The following HS6ST3 variants were observed in gnomAD, a reference collection of about 807,000 sequenced individuals.
HS6ST3 encodes heparan-sulfate 6-O-sulfotransferase 3.
In HS6ST3, 12 loss-of-function variants were observed where a neutral mutation model predicts 36.7. The observed-to-expected ratio is 0.33, with a 90% CI of 0.21 to 0.53. The LOEUF (loss-of-function observed/expected upper bound fraction) is 0.53, where lower values mean the gene tolerates loss of function less well. Among genes scored for constraint, HS6ST3 ranks in the 20% least tolerant of loss-of-function variants. The pLI is 0.95. For missense variants in HS6ST3, 584 were observed against 640.9 expected (o/e 0.91, Z 0.96); for synonymous variants, 240 against 257.5 (o/e 0.93, Z 0.65).
chr13:96,531,828 A>G (rs1231891131), intron 1 of HS6ST3, among the ~76,000 whole-genome samples: 1 of 152,264 alleles, frequency 6.6e-6, no homozygotes, highest in Admixed American at 6.5e-5. Context: ...AACGTGTATA[A>G]TAAGTAATTC....
intron 1 of HS6ST3, among the ~76,000 whole-genome samples, chr13:96,306,938 G>C (rs1229850795): frequency 1.3e-5 from 2 of 152,152 alleles, no homozygotes; most frequent in African/African-American, 4.8e-5. Context: ...TCCTGGATTG[G>C]CTGCACAACA....
intron 1 of HS6ST3, 79 bp from the exon 2 acceptor site, chr13:96,832,411 C>T: frequency 2.8e-6 from 3 of 1,056,690 alleles, no homozygotes; most frequent in South Asian, 3.4e-5. Flanking sequence ...TGACTCAATG[C>T]CGATGTAAAA....
intron 1 of HS6ST3, among the ~76,000 whole-genome samples, chr13:96,542,117 TAAC>T (rs1237439163): frequency 1.3e-5 from 2 of 152,196 alleles, no homozygotes; most frequent in African/African-American, 4.8e-5. Context: ...GATAAATACT[TAAC>T]AAATTATGTT....
At chr13:96,421,926 A>C (rs1478645867) in intron 1 of HS6ST3, among the ~76,000 whole-genome samples, 1 of 152,138 alleles carries the variant, frequency 6.6e-6, no homozygotes, top group Admixed American at 6.5e-5. Flanking sequence ...GCATGTTTTC[A>C]TGCCTTGGCT....
At chr13:96,634,313 C>T (rs1222856689) in intron 1 of HS6ST3, among the ~76,000 whole-genome samples, 1 of 152,168 alleles carries the variant, frequency 6.6e-6, no homozygotes, top group Non-Finnish European at 1.5e-5. Context: ...TGCTGATATG[C>T]ACAGCAAGGA....
intron 1 of HS6ST3, among the ~76,000 whole-genome samples, chr13:96,775,521 A>G (rs562708262): frequency 6.6e-6 from 1 of 152,132 alleles, no homozygotes; most frequent in East Asian, 1.9e-4. Context: ...AAAAGAAAAA[A>G]AAAAAAAGCA....
At chr13:96,459,100 T>TA (rs747439262) in intron 1 of HS6ST3, among the ~76,000 whole-genome samples, 671 of 63,848 alleles carry the variant, frequency 0.011, 53 homozygotes, top group African/African-American at 0.044. Context: ...CAAGACTGTC[T>TA]AAAAAAAAAA....
chr13:96,545,598 A>G (rs1162994335), intron 1 of HS6ST3, among the ~76,000 whole-genome samples: 2 of 152,212 alleles, frequency 1.3e-5, no homozygotes, highest in Non-Finnish European at 2.9e-5. Flanking sequence ...ACTTCAGAAG[A>G]GAGAACCAAA....
At chr13:96,524,826 C>T (rs1029979098) in intron 1 of HS6ST3, among the ~76,000 whole-genome samples, 2 of 152,228 alleles carry the variant, frequency 1.3e-5, no homozygotes, top group African/African-American at 4.8e-5. Flanking sequence ...TGAGGCAACG[C>T]TCTGCCCTGC....
At chr13:96,492,764 G>T (rs2055953178) in intron 1 of HS6ST3, among the ~76,000 whole-genome samples, 2 of 152,076 alleles carry the variant, frequency 1.3e-5, no homozygotes, top group Non-Finnish European at 2.9e-5. Flanking sequence ...TTCCTTTTGG[G>T]ATCTTTCCTC....
In HS6ST3 at chr13:96,576,135, G is replaced by A. The variant is rs2056320036; in HGVS notation, c.708-256355G>A. ...AGAAAGAACACGTGTACTGTTCTAG[G>A]CATCGCCGTCAAGTTTCTGGAAGGG... On this transcript the variant is annotated intron_variant, in intron 1 of 1. Coordinates refer to ENST00000376705, the MANE Select transcript of HS6ST3 (RefSeq NM_153456.4). Among the ~76,000 whole-genome samples, 6 of 152,156 alleles carry A rather than the reference G, an allele frequency of 3.9e-5. No individual in the cohort carries two copies. In the South Asian group the frequency reaches 1.2e-3, roughly 32 times the overall value.
intron 1 of HS6ST3, among the ~76,000 whole-genome samples, chr13:96,094,948 G>A (rs529408054): frequency 6.6e-6 from 1 of 151,582 alleles, no homozygotes; most frequent in Non-Finnish European, 1.5e-5. Context: ...ATTACTGTAC[G>A]CCCCTTAATC....
intron 1 of HS6ST3, among the ~76,000 whole-genome samples, chr13:96,354,316 G>C (rs2055199054): frequency 6.6e-6 from 1 of 152,114 alleles, no homozygotes; most frequent in Non-Finnish European, 1.5e-5. Context: ...GTCAACAAAG[G>C]ATTCACTTAC....
intron 1 of HS6ST3, among the ~76,000 whole-genome samples, chr13:96,766,729 T>A (rs551832312): frequency 1.3e-5 from 2 of 152,290 alleles, no homozygotes; most frequent in South Asian, 4.1e-4. Flanking sequence ...AATAATACGC[T>A]CTTTGTCACC....
chr13:96,211,114 T>C (rs2054396955), intron 1 of HS6ST3, among the ~76,000 whole-genome samples: 1 of 152,092 alleles, frequency 6.6e-6, no homozygotes, highest in East Asian at 1.9e-4. Context: ...TATTTTTTGG[T>C]AGAGACGGGG....
intron 1 of HS6ST3, among the ~76,000 whole-genome samples, chr13:96,461,443 A>G (rs1247551574): frequency 7.2e-5 from 11 of 152,220 alleles, no homozygotes; most frequent in African/African-American, 2.4e-4. Context: ...GAGCTGAGGT[A>G]TACATGTCCT....
At chr13:96,106,211 C>T (rs1407302012) in intron 1 of HS6ST3, among the ~76,000 whole-genome samples, 1 of 152,222 alleles carries the variant, frequency 6.6e-6, no homozygotes, top group Non-Finnish European at 1.5e-5. Context: ...AAGCTTAATG[C>T]ATCCCTTCAT....
intron 1 of HS6ST3, among the ~76,000 whole-genome samples, chr13:96,631,479 A>G (rs1373738812): frequency 6.6e-6 from 1 of 152,228 alleles, no homozygotes; most frequent in Non-Finnish European, 1.5e-5. Flanking sequence ...TTCAAATTTA[A>G]TCAGGTAAAC....
At chr13:96,594,290 G>T (rs1012926324) in intron 1 of HS6ST3, among the ~76,000 whole-genome samples, 4 of 151,604 alleles carry the variant, frequency 2.6e-5, no homozygotes, top group Non-Finnish European at 1.5e-5. Flanking sequence ...TTTTTTTAGA[G>T]AATATAATAT....
Sources: allele counts gnomAD v4.1 joint callset (sites outside exome capture counted in the v4.1 genomes callset), GRCh38; gene constraint gnomAD v4.1.1; transcripts MANE v1.5; gene names NCBI Gene and HGNC (gene_info 2026-07-23, HGNC 2026-07-21).